The following ADGRL2 variants were observed in gnomAD, a reference collection of about 807,000 sequenced individuals.
The protein encoded by ADGRL2 is adhesion G protein-coupled receptor L2.
A neutral mutation model predicts 157.4 loss-of-function variants in ADGRL2; 44 were observed. That is an observed-to-expected ratio of 0.28 (90% CI 0.22 to 0.36). The LOEUF (loss-of-function observed/expected upper bound fraction) is 0.36. Ranked by LOEUF, ADGRL2 falls within the 10% of genes least tolerant of loss-of-function variation. The pLI, the probability that ADGRL2 is intolerant of heterozygous loss-of-function variation, is 1.00. For synonymous variants in ADGRL2, 585 were observed against 624.7 expected (o/e 0.94, Z 0.95); for missense variants, 1,510 against 1,768.9 (o/e 0.85, Z 2.63).
intron 2 of ADGRL2, among the ~76,000 whole-genome samples, chr1:81,456,243 A>C (rs1055476015): frequency 2.0e-5 from 3 of 151,926 alleles, no homozygotes; most frequent in African/African-American, 7.2e-5. Flanking sequence ...TTTTTTTAAG[A>C]GATGGGGTCT....
chr1:81,950,238 CATA>C lies in ADGRL2; in HGVS notation c.1264_1266del (p.Ile422del), dbSNP rs1369764098. 2.5e-6 allele frequency: 4 copies of C among 1,614,022 alleles called. No homozygotes were observed. Among genetic ancestry groups the C allele is most frequent in the Non-Finnish European group, 3.4e-6 (4 of 1,179,944 alleles). On this transcript the variant is annotated inframe_deletion, in exon 7 of 24. Coordinates refer to ENST00000686636, the MANE Select transcript of ADGRL2 (RefSeq NM_001366006.2). The stretch of plus-strand genomic sequence containing the variant: ...CTTCTTCAGCTGAGCTGTTCAAAAC[CATA>C]ATATCAACCACAAGCACTACTTCAC...
At chr1:81,853,036 G>A (rs2093072452) in intron 2 of ADGRL2, among the ~76,000 whole-genome samples, 1 of 152,132 alleles carries the variant, frequency 6.6e-6, no homozygotes, top group African/African-American at 2.4e-5. Context: ...CTGGTCCAGA[G>A]GAGAGGCTCT....
In ADGRL2 at chr1:81,885,508, A is replaced by G. The variant is rs201822695; in HGVS notation, c.74-21509A>G. ...GAATATACTACTGCTTACTTAGTTA[A>G]TTACTGCTCACAGATAGAAAAGGAA... On this transcript the variant is annotated intron_variant, in intron 2 of 23. Transcript: ENST00000686636. Among the ~76,000 whole-genome samples the G allele has an allele frequency of 3.9e-5, 6 of 152,286 alleles. No homozygotes were observed. In the East Asian group the frequency reaches 9.6e-4, roughly 24 times the overall value.
At chr1:81,879,241 G>T (rs2093921428) in intron 2 of ADGRL2, among the ~76,000 whole-genome samples, 1 of 152,082 alleles carries the variant, frequency 6.6e-6, no homozygotes, top group Admixed American at 6.5e-5. Context: ...TGGAGAAACT[G>T]AAGTATGCTT....
Position 81,985,911 on chromosome 1 carries a change from A to G in ADGRL2, c.3508+556A>G, listed in dbSNP as rs540634101. ...AATTTAGTATGAAAAATTATATGGT[A>G]TTGTATATATCCTTGGAAAGGTAAT... On this transcript the variant is annotated intron_variant, in intron 21 of 23. Transcript: ENST00000686636. Among the ~76,000 whole-genome samples the G allele has an allele frequency of 1.2e-4, 18 of 152,112 alleles. No individual in the cohort carries two copies. In the South Asian group the frequency reaches 3.7e-3, roughly 32 times the overall value.
At chr1:81,849,399 T>C (rs2092919033) in intron 2 of ADGRL2, among the ~76,000 whole-genome samples, 1 of 151,942 alleles carries the variant, frequency 6.6e-6, no homozygotes, top group Non-Finnish European at 1.5e-5. Flanking sequence ...AGCTGACTAT[T>C]TGAATTAACT....
intron 3 of ADGRL2, among the ~76,000 whole-genome samples, chr1:81,600,614 C>A (rs2081315962): frequency 6.6e-6 from 1 of 152,212 alleles, no homozygotes; most frequent in Non-Finnish European, 1.5e-5. Flanking sequence ...ACTAATACAA[C>A]ATGCTCATTG....
In ADGRL2 at chr1:81,577,156, C is replaced by A. The variant is rs567881845; in HGVS notation, c.-247-3720C>A. Among the ~76,000 whole-genome samples the A allele has an allele frequency of 6.6e-5, 10 of 152,286 alleles. No homozygotes were observed. In the South Asian group the frequency reaches 2.1e-3, roughly 32 times the overall value. ...CTTTGGACTTGTCATTTGTGCCCTGCACCACAATGCTGACTGGGGGACAGG... is the reference window on the plus strand; with the variant it reads ...CTTTGGACTTGTCATTTGTGCCCTGAACCACAATGCTGACTGGGGGACAGG... On this transcript the variant is annotated intron_variant, in intron 2 of 24. Transcript: ENST00000370721.
intron 18 of ADGRL2, 90 bp from the exon 19 acceptor site, chr1:81,981,718 C>A: frequency 9.9e-7 from 1 of 1,011,718 alleles, no homozygotes; most frequent in Non-Finnish European, 1.5e-6. Context: ...TAGAGAAAGT[C>A]AACTGCTACT....
In ADGRL2 at chr1:81,526,930, A is replaced by C. The variant is rs530294502; in HGVS notation, c.-247-53946A>C. ...TGCCCTGATTTACCCTATTTGAGGG[A>C]ATAGTATTGACCGTTTGGAGCCACC... On this transcript the variant is annotated intron_variant, in intron 2 of 24. Transcript: ENST00000370721. Among the ~76,000 whole-genome samples the C allele has an allele frequency of 1.1e-4, 16 of 152,334 alleles. No individual in the cohort carries two copies. The South Asian group carries it at 3.1e-3, about 30-fold the overall frequency.
At chr1:81,684,890 G>GTGTC (rs1454777564) in intron 3 of ADGRL2, among the ~76,000 whole-genome samples, 1 of 152,174 alleles carries the variant, frequency 6.6e-6, no homozygotes, top group Non-Finnish European at 1.5e-5. Context: ...GTTGAAAAGG[G>GTGTC]TGTCCTTTCT....
At chr1:81,654,414 TC>T (rs2082487001) in intron 3 of ADGRL2, among the ~76,000 whole-genome samples, 1 of 152,178 alleles carries the variant, frequency 6.6e-6, no homozygotes, top group African/African-American at 2.4e-5. Context: ...CCTCCCTTAT[TC>T]AAGCCCATTT....
At chr1:81,860,490 A>C (rs1401778437) in intron 2 of ADGRL2, among the ~76,000 whole-genome samples, 1 of 152,094 alleles carries the variant, frequency 6.6e-6, no homozygotes, top group African/African-American at 2.4e-5. Flanking sequence ...GGTCTTTTTA[A>C]GTGTACATTA....
chr1:81,628,607 A>G (rs1356230152), intron 3 of ADGRL2, among the ~76,000 whole-genome samples: 3 of 152,108 alleles, frequency 2.0e-5, no homozygotes, highest in Non-Finnish European at 1.5e-5. Flanking sequence ...GCCCTAAACT[A>G]CCTATTTCCT....
chr1:81,406,718 A>C (rs2101355095), intron 1 of ADGRL2, among the ~76,000 whole-genome samples: 1 of 152,266 alleles, frequency 6.6e-6, no homozygotes, highest in Admixed American at 6.5e-5. Flanking sequence ...TCCTCTCAGT[A>C]GTAGATGCCA....
At chr1:81,703,002 G>A (rs1156244980) in intron 1 of ADGRL2, among the ~76,000 whole-genome samples, 2 of 152,208 alleles carry the variant, frequency 1.3e-5, no homozygotes, top group African/African-American at 2.4e-5. Context: ...ATGTAACCCA[G>A]TGTAGAAGCA....
intron 2 of ADGRL2, among the ~76,000 whole-genome samples, chr1:81,901,985 G>A (rs1347336030): frequency 1.3e-5 from 2 of 152,126 alleles, no homozygotes; most frequent in Non-Finnish European, 2.9e-5. Flanking sequence ...AAGGCGGTTG[G>A]GCTACAGCTT....
intron 3 of ADGRL2, among the ~76,000 whole-genome samples, chr1:81,584,389 G>A (rs778847111): frequency 4.6e-5 from 7 of 151,944 alleles, no homozygotes; most frequent in Non-Finnish European, 8.8e-5. Context: ...GAAACATAAA[G>A]TACTCTAAAA....
intron 18 of ADGRL2, 36 bp from the exon 19 acceptor site, chr1:81,981,772 T>C (rs77269725): frequency 1.1e-5 from 18 of 1,574,384 alleles, no homozygotes; most frequent in Non-Finnish European, 1.4e-5. Context: ...TTTTTGCTCA[T>C]TGAACCTGTT....
Sources: allele counts gnomAD v4.1 joint callset (sites outside exome capture counted in the v4.1 genomes callset), GRCh38; gene constraint gnomAD v4.1.1; transcripts MANE v1.5; gene names NCBI Gene and HGNC (gene_info 2026-07-23, HGNC 2026-07-21).